The following RBPJ variants were observed in gnomAD, a reference collection of about 807,000 sequenced individuals.
The protein encoded by RBPJ is recombination signal binding protein for immunoglobulin kappa J region.
Under a neutral mutation model 67.8 loss-of-function variants are expected in RBPJ, and 9 were observed. The observed-to-expected ratio is 0.13, with a 90% CI of 0.08 to 0.23. The LOEUF is 0.23. RBPJ is among the 10% of genes least tolerant of loss of function. The pLI, the probability that RBPJ is intolerant of heterozygous loss-of-function variation, is 1.00. For missense variants in RBPJ, 305 were observed against 595.6 expected (o/e 0.51, Z 5.08); for synonymous variants, 198 against 203.3 (o/e 0.97, Z 0.22).
intron 1 of RBPJ, among the ~76,000 whole-genome samples, chr4:26,283,547 A>AAAAAT (rs955509862): frequency 3.9e-5 from 6 of 152,124 alleles, no homozygotes; most frequent in African/African-American, 4.8e-5. Flanking sequence ...TCTGTCTCAA[A>AAAAAT]AAAATAAAAT....
intron 1 of RBPJ, among the ~76,000 whole-genome samples, chr4:26,345,585 G>A (rs1186804506): frequency 6.6e-6 from 1 of 152,184 alleles, no homozygotes; most frequent in Non-Finnish European, 1.5e-5. Flanking sequence ...ATCCAAAATT[G>A]TAAGTTTATA....
chr4:26,374,377 C>T (rs1462495457), intron 1 of RBPJ, among the ~76,000 whole-genome samples: 1 of 152,028 alleles, frequency 6.6e-6, no homozygotes. Flanking sequence ...TTTTTGTTGC[C>T]TCCCTCACTC....
Position 26,373,915 on chromosome 4 carries a change from C to CTTTT in RBPJ, c.21-12421_21-12418dup, listed in dbSNP as rs765161799. Among the ~76,000 whole-genome samples, 12 of 113,290 alleles carry CTTTT rather than the reference C, an allele frequency of 1.1e-4. 1 individual carries two copies. The highest frequency in any genetic ancestry group is 4.3e-4 in the Admixed American group (4 of 9,202). 74.3% of individuals were successfully genotyped at this position (113,290 alleles called of 152,430 possible). A position where few individuals can be genotyped will look rare whatever the true frequency, so the allele number is the denominator to read the frequency against. The stretch of plus-strand genomic sequence containing the variant: ...TTTGTGTTTACAGCTTTATTTTTTA[C>CTTTT]TTTTTTTTTTTTTTTTTTTTGGAGA... On this transcript the variant is annotated intron_variant, in intron 1 of 10. Coordinates refer to ENST00000355476, the MANE Select transcript of RBPJ (RefSeq NM_015874.6).
chr4:26,367,451 C>T (rs1307853634), intron 1 of RBPJ, among the ~76,000 whole-genome samples: 1 of 152,164 alleles, frequency 6.6e-6, no homozygotes, highest in Non-Finnish European at 1.5e-5. Flanking sequence ...GCCTGGGCAA[C>T]AGAGCAAGAC....
intron 1 of RBPJ, among the ~76,000 whole-genome samples, chr4:26,324,298 A>G (rs1389648782): frequency 6.6e-6 from 1 of 152,154 alleles, no homozygotes; most frequent in Non-Finnish European, 1.5e-5. Context: ...CCAAATATGT[A>G]TTATAATATG....
intron 1 of RBPJ, among the ~76,000 whole-genome samples, chr4:26,353,096 A>G (rs1462897560): frequency 1.3e-5 from 2 of 152,236 alleles, no homozygotes; most frequent in Non-Finnish European, 2.9e-5. Flanking sequence ...TGCAACAAAG[A>G]AAGGCACTTG....
chr4:26,349,093 C>CGCGCGCGCTCGT (rs113326244), intron 1 of RBPJ, among the ~76,000 whole-genome samples: 2 of 150,738 alleles, frequency 1.3e-5, no homozygotes, highest in Non-Finnish European at 3.0e-5. Flanking sequence ...TGTGTGCGCG[C>CGCGCGCGCTCGT]GCGCACGCAC....
At chr4:26,201,041 A>C (rs1457106765) in intron 1 of RBPJ, among the ~76,000 whole-genome samples, 1 of 152,188 alleles carries the variant, frequency 6.6e-6, no homozygotes, top group Non-Finnish European at 1.5e-5. Context: ...GTATCCATTC[A>C]CCATCTCTTA....
intron 1 of RBPJ, among the ~76,000 whole-genome samples, chr4:26,266,552 C>T (rs1266172442): frequency 6.6e-6 from 1 of 152,090 alleles, no homozygotes; most frequent in Non-Finnish European, 1.5e-5. Flanking sequence ...GATGTTCTTT[C>T]CACTGGGTAT....
intron 1 of RBPJ, among the ~76,000 whole-genome samples, chr4:26,367,178 G>A (rs1185573896): frequency 1.3e-5 from 2 of 150,714 alleles, no homozygotes; most frequent in African/African-American, 4.9e-5. Context: ...AAATGATGAT[G>A]CACGCTAAAA....
intron 1 of RBPJ, among the ~76,000 whole-genome samples, chr4:26,247,973 G>A (rs1047718609): frequency 4.6e-5 from 7 of 152,038 alleles, no homozygotes; most frequent in African/African-American, 1.2e-4. Flanking sequence ...ACCTGTACAT[G>A]TACGCTGTGA....
At chr4:26,362,630 T>C in intron 1 of RBPJ, 1 of 1,613,814 alleles carries the variant, frequency 6.2e-7, no homozygotes, top group South Asian at 1.1e-5. Context: ...GATTAAAAGG[T>C]ATGCTTTAGA....
At chr4:26,399,492 T>C (rs1489287594) in intron 2 of RBPJ, among the ~76,000 whole-genome samples, 2 of 151,564 alleles carry the variant, frequency 1.3e-5, no homozygotes, top group Non-Finnish European at 2.9e-5. Context: ...GATGTTTCAC[T>C]GTAGTATTCT....
chr4:26,200,693 G>A (rs900554577), intron 1 of RBPJ, among the ~76,000 whole-genome samples: 1 of 151,664 alleles, frequency 6.6e-6, no homozygotes, highest in African/African-American at 2.4e-5. Context: ...CAAGCAATCA[G>A]ATCCAATGCC....
At chr4:26,400,180 A>G (rs1370101288) in intron 2 of RBPJ, among the ~76,000 whole-genome samples, 2 of 152,100 alleles carry the variant, frequency 1.3e-5, no homozygotes, top group Non-Finnish European at 2.9e-5. Flanking sequence ...AAAAACCTGG[A>G]TGATTGTGAT....
chr4:26,340,267 G>C (rs905121447), intron 1 of RBPJ, among the ~76,000 whole-genome samples: 3 of 152,210 alleles, frequency 2.0e-5, no homozygotes, highest in Non-Finnish European at 4.4e-5. Flanking sequence ...GGGAGGAAGA[G>C]ATTCCTGTGG....
At chr4:26,132,744 C>A in the RBPJ span, among the ~76,000 whole-genome samples, 1 of 152,180 alleles carries the variant, frequency 6.6e-6, no homozygotes, top group Non-Finnish European at 1.5e-5. Context: ...AACAAAACCA[C>A]TGTCACTGGG....
rs1736409068 is a variant in RBPJ, at chr4:26,433,502, T to G, written c.*2495T>G. The G allele has an allele frequency of 6.6e-6, 1 of 152,230 alleles. No individual in the cohort carries two copies. Among genetic ancestry groups the G allele is most frequent in the African/African-American group, 2.4e-5 (1 of 41,456 alleles). The allele number at this position is 152,230 out of a possible 1,614,324, so 9.4% of individuals were successfully genotyped here. A position where few individuals can be genotyped will look rare whatever the true frequency, so the allele number is the denominator to read the frequency against. On this transcript the variant is annotated 3_prime_UTR_variant, in exon 11 of 11. Coordinates refer to ENST00000355476, the MANE Select transcript of RBPJ (RefSeq NM_015874.6). ...AAATAATTTTTCAAGTTCATGACCT[T>G]ATTAAAATGAACTTGTGTTTTTTTA... is the stretch of plus-strand genomic sequence containing the variant.
intron 2 of RBPJ, among the ~76,000 whole-genome samples, chr4:26,402,376 T>G (rs977984364): frequency 2.0e-5 from 3 of 152,208 alleles, no homozygotes; most frequent in African/African-American, 7.2e-5. Context: ...CATTAGCTGG[T>G]CCTTTGATAC....
Sources: allele counts gnomAD v4.1 joint callset (sites outside exome capture counted in the v4.1 genomes callset), GRCh38; gene constraint gnomAD v4.1.1; transcripts MANE v1.5; gene names NCBI Gene and HGNC (gene_info 2026-07-23, HGNC 2026-07-21).